The following SLC8A3 variants were observed in gnomAD, a reference collection of about 807,000 sequenced individuals.
SLC8A3 encodes sodium/calcium exchanger 3.
A neutral mutation model predicts 65.4 loss-of-function variants in SLC8A3; 37 were observed. That is an observed-to-expected ratio of 0.57 (90% CI 0.44 to 0.74). The LOEUF (loss-of-function observed/expected upper bound fraction) is 0.74, where lower values mean the gene tolerates loss of function less well. SLC8A3 is among the 30% of genes least tolerant of loss of function. The pLI is 0.00. For missense variants in SLC8A3, 1,112 were observed against 1,172.1 expected (o/e 0.95, Z 0.75); for synonymous variants, 461 against 444.5 (o/e 1.04, Z -0.47).
intron 2 of SLC8A3, among the ~76,000 whole-genome samples, chr14:70,152,900 C>T (rs914559682): frequency 6.6e-6 from 1 of 152,172 alleles, no homozygotes; most frequent in African/African-American, 2.4e-5. Flanking sequence ...TACATGCTCC[C>T]TGGAGAGAAG....
At chr14:70,047,580 C>T (rs142225272) in intron 6 of SLC8A3, 7 of 152,310 alleles carry the variant, frequency 4.6e-5, no homozygotes, top group Non-Finnish European at 7.3e-5. Flanking sequence ...CGCTGGCCTG[C>T]GCTGGGGTTT....
chr14:70,152,681 C>T (rs1465261443), intron 2 of SLC8A3, among the ~76,000 whole-genome samples: 1 of 152,172 alleles, frequency 6.6e-6, no homozygotes, highest in Non-Finnish European at 1.5e-5. Context: ...AGTGCAGGAC[C>T]AAGAGAGCCC....
At chr14:70,151,354 A>G (rs551034431) in intron 2 of SLC8A3, among the ~76,000 whole-genome samples, 11 of 152,332 alleles carry the variant, frequency 7.2e-5, no homozygotes, top group African/African-American at 2.6e-4. Flanking sequence ...TGAAGTAACA[A>G]AACAGATTGG....
At chr14:70,165,156 T>C (rs900205998) in intron 2 of SLC8A3, among the ~76,000 whole-genome samples, 14 of 152,328 alleles carry the variant, frequency 9.2e-5, no homozygotes, top group Middle Eastern at 6.8e-3. Context: ...AAGGAAAGTA[T>C]TGTTATTCCC....
chr14:70,051,182 GA>G, intron 4 of SLC8A3, 75 bp from the exon 5 acceptor site: 1 of 1,000,698 alleles, frequency 1.0e-6, no homozygotes, highest in South Asian at 1.3e-5. Context: ...TTCTTCAAAG[GA>G]ATGAAAGATG....
At chr14:70,050,968 C>T (rs752737440) in intron 5 of SLC8A3, 40 bp downstream of exon 5, 1 of 1,362,408 alleles carries the variant, frequency 7.3e-7, no homozygotes, top group Non-Finnish European at 1.1e-6. Context: ...TCAGAGGTTG[C>T]CTGCTTCTCC....
At chr14:70,075,292 C>T (rs1215459694) in intron 2 of SLC8A3, among the ~76,000 whole-genome samples, 1 of 152,228 alleles carries the variant, frequency 6.6e-6, no homozygotes, top group Non-Finnish European at 1.5e-5. Context: ...TCACTCCTCA[C>T]TGGCCCTTCC....
At chr14:70,060,468 A>AGGGGT (rs903828626) in intron 3 of SLC8A3, among the ~76,000 whole-genome samples, 2 of 152,064 alleles carry the variant, frequency 1.3e-5, no homozygotes, top group Admixed American at 6.6e-5. Flanking sequence ...GTTACAGTGT[A>AGGGGT]GGGGTGGGGT....
chr14:70,186,479 T>C (rs1883228401), intron 1 of SLC8A3, among the ~76,000 whole-genome samples: 1 of 152,202 alleles, frequency 6.6e-6, no homozygotes, highest in South Asian at 2.1e-4. Flanking sequence ...TTTAGGAGTA[T>C]GTTGGAAGAA....
chr14:70,125,777 CA>C (rs1263518888), intron 2 of SLC8A3, among the ~76,000 whole-genome samples: 3 of 151,802 alleles, frequency 2.0e-5, no homozygotes, highest in Non-Finnish European at 2.9e-5. Context: ...TAAAAAAGAA[CA>C]AAAAACCCAC....
At chr14:70,140,715 C>T (rs1895510858) in intron 2 of SLC8A3, among the ~76,000 whole-genome samples, 1 of 152,194 alleles carries the variant, frequency 6.6e-6, no homozygotes, top group Non-Finnish European at 1.5e-5. Context: ...ATGACTAATT[C>T]TTTCACCCTT....
intron 1 of SLC8A3, among the ~76,000 whole-genome samples, chr14:70,187,639 G>GTGTGTGTT (rs775352761): frequency 0.015 from 1,895 of 128,098 alleles, 43 homozygotes; most frequent in Middle Eastern, 0.037. Flanking sequence ...GTGTGTGTGT[G>GTGTGTGTT]TCCGCGCGCG....
intron 2 of SLC8A3, among the ~76,000 whole-genome samples, chr14:70,128,780 C>T (rs935135287): frequency 6.6e-6 from 1 of 152,152 alleles, no homozygotes; most frequent in African/African-American, 2.4e-5. Context: ...TCTTGGCATA[C>T]CTTTATTTTA....
At chr14:70,094,164 A>G (rs1043643124) in intron 2 of SLC8A3, among the ~76,000 whole-genome samples, 13 of 152,210 alleles carry the variant, frequency 8.5e-5, no homozygotes. Flanking sequence ...CAGCCAGTCC[A>G]TGGCCTCCCC....
intron 3 of SLC8A3, among the ~76,000 whole-genome samples, chr14:70,056,008 G>A: frequency 6.6e-6 from 1 of 152,188 alleles, no homozygotes; most frequent in East Asian, 1.9e-4. Flanking sequence ...AGAGGTGTGA[G>A]CAGCCGGAGA....
At chr14:70,080,799 C>A (rs911787535) in intron 2 of SLC8A3, among the ~76,000 whole-genome samples, 1 of 152,158 alleles carries the variant, frequency 6.6e-6, no homozygotes, top group Non-Finnish European at 1.5e-5. Context: ...AGGCTCCAAG[C>A]TGATGTAAAA....
intron 2 of SLC8A3, among the ~76,000 whole-genome samples, chr14:70,126,012 C>T (rs1377921221): frequency 6.6e-6 from 1 of 152,192 alleles, no homozygotes; most frequent in African/African-American, 2.4e-5. Context: ...AGTTCTGCTG[C>T]ATCATTTCTA....
chr14:70,120,117 A>C (rs1893953681), intron 2 of SLC8A3, among the ~76,000 whole-genome samples: 1 of 152,196 alleles, frequency 6.6e-6, no homozygotes, highest in Non-Finnish European at 1.5e-5. Context: ...AATACGATGG[A>C]AGCTGCCTGC....
At chr14:70,100,483 G>A (rs185627689) in intron 2 of SLC8A3, among the ~76,000 whole-genome samples, 2 of 152,314 alleles carry the variant, frequency 1.3e-5, no homozygotes, top group East Asian at 1.9e-4. Context: ...TGTTTAAGAT[G>A]CATTTTTGCA....
Sources: gnomAD v4.1 joint callset for allele counts (sites outside exome capture counted in the v4.1 genomes callset) on GRCh38, gnomAD v4.1.1 for gene constraint, MANE v1.5 for transcripts, NCBI Gene and HGNC (gene_info 2026-07-23, HGNC 2026-07-21) for gene names.